The following SETD1B variants were observed in gnomAD, a reference collection of about 807,000 sequenced individuals.
SETD1B encodes SET domain containing 1B, histone lysine methyltransferase.
Under a neutral mutation model 148.0 loss-of-function variants are expected in SETD1B, and 7 were observed. The ratio of observed to expected loss-of-function variants is 0.05; its 90% CI spans 0.03 to 0.09. The LOEUF (loss-of-function observed/expected upper bound fraction) is 0.09. SETD1B is among the 10% of genes least tolerant of loss of function. The probability of loss-of-function intolerance (pLI) is 1.00; values close to 1 mark genes in which losing one functional copy is unlikely to be tolerated. For missense variants in SETD1B, 2,155 were observed against 2,729.9 expected (o/e 0.79, Z 4.69); for synonymous variants, 1,361 against 1,186.5 (o/e 1.15, Z -3.02).
rs33988047 is a variant in SETD1B at position 121,807,444 on chromosome 12, TAA to T, written c.545-748_545-747del. Among the ~76,000 whole-genome samples, 515 of 132,714 alleles carry T rather than the reference TAA, an allele frequency of 3.9e-3. 3 individuals are homozygous for T. Among genetic ancestry groups the T allele is most frequent in the Middle Eastern group, 7.8e-3 (2 of 256 alleles). The allele number at this position is 132,714 out of a possible 152,430, so 87.1% of individuals were successfully genotyped here. A position where few individuals can be genotyped will look rare whatever the true frequency, so the allele number is the denominator to read the frequency against. On this transcript the variant is annotated intron_variant, in intron 4 of 16. Transcript: ENST00000604567. ...AGGTCTCAACAAAATTTCAATTCTG[TAA>T]AAAAAAAAAAAAAAAGAAAAGAAAA... is the stretch of plus-strand genomic sequence containing the variant.
At position 121,810,041 on chromosome 12, in the gene SETD1B, C is replaced by T. The variant is rs1006878377; in HGVS notation, c.1096C>T (p.Pro366Ser). The change falls in exon 6 of 17, where the codon CCC (proline) becomes TCC (serine). Residue 366 changes from proline (P) to serine (S), a missense_variant. By Grantham distance (74) the Pro-to-Ser change is moderately conservative. Transcript: ENST00000604567. This position sits in a 1 kb window ranked among gnomAD's most constrained non-coding sequence, Gnocchi z 7.6. The stretch of plus-strand genomic sequence containing the variant: ...CGGCGGCACTGGGGGCAGCAGCGGT[C>T]CCCCGTTCAAGGCTCAACCACAGGA... ...AVGGTGGSSG[P>S]PFKAQPQDSA... The T allele has an allele frequency of 3.2e-6, 5 of 1,550,256 alleles. No homozygotes were observed. Among genetic ancestry groups the T allele is most frequent in the South Asian group, 2.4e-5 (2 of 84,066 alleles).
At chr12:121,798,042 T>C in the SETD1B span, among the ~76,000 whole-genome samples, 1 of 152,030 alleles carries the variant, frequency 6.6e-6, no homozygotes, top group Non-Finnish European at 1.5e-5. Context: ...AACCAGACAG[T>C]CCCGGGCAGG....
chr12:121,814,947 A>G lies in SETD1B; in HGVS notation c.2715+17A>G, dbSNP rs1876219836. 1 of 933,324 alleles carries G rather than the reference A, an allele frequency of 1.1e-6. No individual in the cohort carries two copies. Among genetic ancestry groups the G allele is most frequent in the East Asian group, 4.6e-5 (1 of 21,896 alleles). 57.8% of individuals were successfully genotyped at this position (933,324 alleles called of 1,614,324 possible). A position where few individuals can be genotyped will look rare whatever the true frequency, so the allele number is the denominator to read the frequency against. ...ATGGCCAAGGTGGGTGGGTGGGTGC[A>G]GGGCTCTGCAGGGTGGCTGTGGAGG... On this transcript the variant is annotated intron_variant, in intron 7 of 16. Transcript: ENST00000604567.
the SETD1B span, chr12:121,797,636 G>A: frequency 6.6e-6 from 3 of 456,144 alleles, no homozygotes; most frequent in African/African-American, 4.0e-5. Flanking sequence ...GCCCTCCAGG[G>A]TGCAGCTGGG....
At chr12:121,793,778 C>T in the SETD1B span, 1 of 665,288 alleles carries the variant, frequency 1.5e-6, no homozygotes, top group Non-Finnish European at 2.3e-6. Flanking sequence ...CTCCCAGCCT[C>T]AGTTTCCTTT....
chr12:121,825,078 A>C, intron 12 of SETD1B, 122 bp from the exon 13 acceptor site: 1 of 977,048 alleles, frequency 1.0e-6, no homozygotes, highest in Non-Finnish European at 1.5e-6. Flanking sequence ...GTGGCATGGG[A>C]GTGGGCAGTA....
At chr12:121,791,452 G>A in the SETD1B span, among the ~76,000 whole-genome samples, 1 of 152,192 alleles carries the variant, frequency 6.6e-6, no homozygotes, top group Non-Finnish European at 1.5e-5. Context: ...ATAGAGCTGG[G>A]GTCAAAGCCC....
rs553445044 is a variant in SETD1B, at chr12:121,818,017, G to A, written c.3418+113G>A. ...AGCCAAAATGTTGTGCTTTTGAGAC[G>A]TTACCTTGTTAAAACACACACACAG... On this transcript the variant is annotated intron_variant, in intron 10 of 16. Transcript: ENST00000604567. The A allele has an allele frequency of 2.4e-5, 26 of 1,083,050 alleles. No homozygotes were observed. The East Asian group carries it at 2.7e-4, about 11-fold the overall frequency. 67.1% of individuals were successfully genotyped at this position (1,083,050 alleles called of 1,614,324 possible). A position where few individuals can be genotyped will look rare whatever the true frequency, so the allele number is the denominator to read the frequency against.
At chr12:121,815,398 GC>G (rs11378677) in intron 7 of SETD1B, among the ~76,000 whole-genome samples, 2 of 151,122 alleles carry the variant, frequency 1.3e-5, no homozygotes, top group African/African-American at 4.9e-5. Flanking sequence ...GGTGCAGACT[GC>G]CCCCCCCGCC....
Position 121,808,977 on chromosome 12 carries a change from C to A in SETD1B, c.658-626C>A, listed in dbSNP as rs1875878468. Among the ~76,000 whole-genome samples, 1 of 152,212 alleles carries A rather than the reference C, an allele frequency of 6.6e-6. No homozygotes were observed. Among genetic ancestry groups the A allele is most frequent in the Non-Finnish European group, 1.5e-5 (1 of 68,034 alleles). ...CTCCACCTCCTGGGCTCAAGTGATT[C>A]TCTTGCCTCAGCCTCCTGAGTAGCT... On this transcript the variant is annotated intron_variant, in intron 5 of 16. Transcript: ENST00000604567. The surrounding 1 kb of genome is among the most constrained non-coding windows in gnomAD (Gnocchi z 5.3).
chr12:121,812,757 T>C (rs1159128929), intron 6 of SETD1B, among the ~76,000 whole-genome samples: 1 of 152,068 alleles, frequency 6.6e-6, no homozygotes, highest in Non-Finnish European at 1.5e-5. Flanking sequence ...GGAGAGTGTG[T>C]GCGTGCGTGC....
Position 121,822,774 on chromosome 12 carries a change from A to T in SETD1B, c.4195A>T (p.Ser1399Cys), listed in dbSNP as rs1876627926. 7 of 1,516,362 alleles carry T rather than the reference A, an allele frequency of 4.6e-6. No homozygotes were observed. The highest frequency in any genetic ancestry group is 6.2e-6 in the Non-Finnish European group (7 of 1,126,334). The allele number at this position is 1,516,362 out of a possible 1,614,324, so 93.9% of individuals were successfully genotyped here. ...AGGGGGCAGCAGTGGCCTGTCCCTG[A>T]GCTCTCCGCAAGTGCCCGGCAGCCC... ...LSGGSSGLSL[S>C]SPQVPGSPFS... The change falls in exon 12 of 17, where the codon AGC (serine) becomes TGC (cysteine). Residue 1399 changes from serine to cysteine, a missense_variant. By Grantham distance (112) the Ser-to-Cys change is moderately radical (BLOSUM62 -1). Around this residue, in one of 11 missense-constraint regions of SETD1B, gnomAD observed 862 missense variants for 873.8 expected, o/e 0.99. Coordinates refer to ENST00000604567, the MANE Select transcript of SETD1B (RefSeq NM_001353345.2).
intron 12 of SETD1B, among the ~76,000 whole-genome samples, chr12:121,824,020 G>A (rs572251183): frequency 3.9e-5 from 6 of 152,336 alleles, no homozygotes; most frequent in Non-Finnish European, 8.8e-5. Flanking sequence ...CAGCAGTGCC[G>A]TGCAGCTTAA....
chr12:121,826,729 T>C (rs1678960), intron 13 of SETD1B, among the ~76,000 whole-genome samples: 23,104 of 152,000 alleles, frequency 0.15, 2,295 homozygotes, highest in Admixed American at 0.26. Context: ...TGTGCCGGAC[T>C]TAGCTGGGCC....
chr12:121,797,469 G>C, the SETD1B span: 1 of 456,346 alleles, frequency 2.2e-6, no homozygotes, highest in African/African-American at 2.0e-5. Context: ...AAGAGGTGAT[G>C]GTGGGGGGAC....
At chr12:121,792,043 C>T in the SETD1B span, among the ~76,000 whole-genome samples, 1 of 152,254 alleles carries the variant, frequency 6.6e-6, no homozygotes, top group Non-Finnish European at 1.5e-5. Context: ...ACAGGGCCCA[C>T]ATCCCACAAA....
chr12:121,797,651 A>G, the SETD1B span: 5 of 455,360 alleles, frequency 1.1e-5, no homozygotes, highest in South Asian at 7.7e-5. Flanking sequence ...GCTGGGAGGG[A>G]GACGTACATC....
At position 121,810,529 on chromosome 12, in the gene SETD1B, G is replaced by A. The variant is rs1361391464; in HGVS notation, c.1584G>A (p.Met528Ile). The A allele has an allele frequency of 1.3e-6, 2 of 1,546,424 alleles. No homozygotes were observed. Among genetic ancestry groups the A allele is most frequent in the Non-Finnish European group, 1.7e-6 (2 of 1,146,980 alleles). ...CGGACTCGGACACCGAGCTGCAGAT[G>A]GAGGGCAGCCCCATCTCCTCCTCCT... ...REPDSDTELQMEGSPISSSSS... is the reference protein window; with the variant it reads ...REPDSDTELQIEGSPISSSSS... The change falls in exon 6 of 17, where the codon ATG (methionine) becomes ATA (isoleucine). Residue 528 changes from methionine to isoleucine, a missense_variant. By Grantham distance (10) the Met-to-Ile change is conservative. Transcript: ENST00000604567. This position sits in a 1 kb window ranked among gnomAD's most constrained non-coding sequence, Gnocchi z 7.6.
At position 121,810,829 on chromosome 12, in the gene SETD1B, G is replaced by A; in HGVS notation, c.1884G>A (p.Met628Ile). 4 of 1,504,570 alleles carry A rather than the reference G, an allele frequency of 2.7e-6. No homozygotes were observed. Among genetic ancestry groups the A allele is most frequent in the East Asian group, 2.5e-5 (1 of 40,244 alleles). The allele number at this position is 1,504,570 out of a possible 1,614,324, so 93.2% of individuals were successfully genotyped here. ...VGDRTPTSEK[M>I]DEGQQSSGED... ...ACAGAACCCCGACCTCAGAGAAGAT[G>A]GATGAGGTACCACCGTGTCTGTCCA... is the stretch of plus-strand genomic sequence containing the variant. Residue 628 changes from methionine to isoleucine, a missense_variant, in exon 6 of 17, where the codon ATG becomes ATA. By Grantham distance (10) the Met-to-Ile change is conservative (BLOSUM62 1). Transcript: ENST00000604567. The surrounding 1 kb of genome is among the most constrained non-coding windows in gnomAD (Gnocchi z 7.6).
Sources: allele counts gnomAD v4.1 joint callset (sites outside exome capture counted in the v4.1 genomes callset), GRCh38; gene constraint gnomAD v4.1.1; regional missense constraint gnomAD v4.1.1; non-coding constraint Gnocchi (gnomAD v3.1); transcripts MANE v1.5; gene names NCBI Gene and HGNC (gene_info 2026-07-23, HGNC 2026-07-21).